The following CCDC80 variants were observed in gnomAD, a reference collection of about 807,000 sequenced individuals.
CCDC80 encodes coiled-coil domain containing 80.
A neutral mutation model predicts 78.7 loss-of-function variants in CCDC80; 49 were observed. The ratio of observed to expected loss-of-function variants is 0.62; its 90% CI spans 0.50 to 0.79. The LOEUF (loss-of-function observed/expected upper bound fraction) is 0.79, where lower values mean the gene tolerates loss of function less well. CCDC80 is among the 30% of genes least tolerant of loss of function. The probability of loss-of-function intolerance (pLI) is 0.00; values close to 1 mark genes in which losing one functional copy is unlikely to be tolerated. For missense variants in CCDC80, 1,205 were observed against 1,198.6 expected (o/e 1.01, Z -0.08); for synonymous variants, 488 against 447.0 (o/e 1.09, Z -1.16).
chr3:112,605,707 TAC>T lies in CCDC80; in HGVS notation c.2561_2562del (p.Arg854GlnfsTer40). 6.2e-7 allele frequency: 1 copy of T among 1,614,236 alleles called. No individual in the cohort carries two copies. Among genetic ancestry groups the T allele is most frequent in the Non-Finnish European group, 8.5e-7 (1 of 1,180,034 alleles). On this transcript the variant is annotated frameshift_variant, in exon 8 of 8. Transcript: ENST00000206423. LOFTEE classifies it high-confidence loss of function. ...DVPAHLVKDI[R>X]NYFQVSPEYF... ...TACTCCGGGCTCACTTGAAAATAGT[TAC>T]GAATGTCTTTCACCAAATGGGCTGG...
At chr3:112,611,601 T>A (rs1935629435) in intron 5 of CCDC80, among the ~76,000 whole-genome samples, 1 of 152,182 alleles carries the variant, frequency 6.6e-6, no homozygotes, top group Non-Finnish European at 1.5e-5. Context: ...ATACAGACAC[T>A]TCTCTGACTC....
chr3:112,610,204 A>G (rs1326369874), intron 5 of CCDC80, 123 bp from the exon 6 acceptor site: 5 of 776,904 alleles, frequency 6.4e-6, no homozygotes, highest in Non-Finnish European at 1.1e-5. Context: ...AAAAGAAAAA[A>G]ACAGAGAACT....
At position 112,639,847 on chromosome 3, in the gene CCDC80, C is replaced by T. The variant is rs753980077; in HGVS notation, c.59G>A (p.Gly20Glu). Residue 20 changes from glycine (G) to glutamate (E), a missense_variant, in exon 2 of 8, where the codon GGA becomes GAA. By Grantham distance (98) the Gly-to-Glu change is moderately conservative. Transcript: ENST00000206423. ...TMLLAMWLVC[G>E]SEPHPHATIR... ...AGTGGCATGGGGGTGGGGTTCTGATCCACACACTAGCCACATGGCCAACAG... is the reference window on the plus strand; with the variant it reads ...AGTGGCATGGGGGTGGGGTTCTGATTCACACACTAGCCACATGGCCAACAG... 20 of 1,614,200 alleles carry T rather than the reference C, an allele frequency of 1.2e-5. 1 individual carries two copies. The Admixed American group carries it at 3.3e-4, about 27-fold the overall frequency.
At position 112,634,139 on chromosome 3, in the gene CCDC80, A is replaced by ATT. The variant is rs5851855; in HGVS notation, c.1879-3872_1879-3871dup. 7.3e-5 allele frequency among the ~76,000 whole-genome samples: 11 copies of ATT among 151,484 alleles called. No homozygotes were observed. In the East Asian group the frequency reaches 9.7e-4, roughly 13 times the overall value. On this transcript the variant is annotated intron_variant, in intron 2 of 7. Coordinates refer to ENST00000206423, the MANE Select transcript of CCDC80 (RefSeq NM_199511.3). ...TACTGCGTTAGGCTCAAAATGCTAG[A>ATT]TTTTTTTTTACAGGATTCTGAAAAA...
Position 112,609,985 on chromosome 3 carries a change from G to A in CCDC80, c.2418C>T (p.Cys806=), listed in dbSNP as rs1935591149. The part of the protein sequence containing the change: ...QQLSALSGQA[C]NFGLRHITIL... The stretch of plus-strand genomic sequence containing the variant: ...AGGTGGCTTCCCACTCACCAAAATT[G>A]CACGCCTGACCACTGAGGGCAGAGA... Residue 806 remains cysteine (C), a synonymous_variant, in exon 6 of 8, where the codon TGC becomes TGT. Coordinates refer to ENST00000206423, the MANE Select transcript of CCDC80 (RefSeq NM_199511.3). The A allele has an allele frequency of 6.2e-7, 1 of 1,612,532 alleles. No individual in the cohort carries two copies.
Position 112,638,882 on chromosome 3 carries a change from G to A in CCDC80, c.1024C>T (p.Pro342Ser). Residue 342 changes from proline to serine, a missense_variant, in exon 2 of 8, where the codon CCC becomes TCC. Coordinates refer to ENST00000206423, the MANE Select transcript of CCDC80 (RefSeq NM_199511.3). ...RKLAATAPAL[P>S]QPPSTPRATT... ...GCTCTGGGGGTTGAGGGAGGTTGGG[G>A]CAAAGCTGGTGCAGTGGCGGCCAGT... is the stretch of plus-strand genomic sequence containing the variant. 6.2e-7 allele frequency: 1 copy of A among 1,613,586 alleles called. No individual in the cohort carries two copies. Among genetic ancestry groups the A allele is most frequent in the Non-Finnish European group, 8.5e-7 (1 of 1,179,982 alleles).
intron 3 of CCDC80, among the ~76,000 whole-genome samples, chr3:112,625,892 A>T (rs1288691285): frequency 3.9e-5 from 6 of 152,172 alleles, no homozygotes; most frequent in African/African-American, 7.2e-5. Context: ...AAAAACAAAA[A>T]TACCTTGATC....
chr3:112,610,012 C>A lies in CCDC80; in HGVS notation c.2391G>T (p.Gln797His), dbSNP rs1935592198. The change falls in exon 6 of 8, where the codon CAG becomes CAT. Residue 797 changes from glutamine to histidine, a missense_variant. Gln to His is a conservative substitution (Grantham distance 24). Coordinates refer to ENST00000206423, the MANE Select transcript of CCDC80 (RefSeq NM_199511.3). ...ACGCCTGACCACTGAGGGCAGAGAGCTGCTGTGAATAGGCCCAGTCTTCAT... is the reference window on the plus strand; with the variant it reads ...ACGCCTGACCACTGAGGGCAGAGAGATGCTGTGAATAGGCCCAGTCTTCAT... ...PNDEDWAYSQ[Q>H]LSALSGQACN... The A allele has an allele frequency of 1.2e-6, 2 of 1,613,856 alleles. No homozygotes were observed. Among genetic ancestry groups the A allele is most frequent in the Non-Finnish European group, 1.7e-6 (2 of 1,179,996 alleles).
chr3:112,630,142 C>T lies in CCDC80; in HGVS notation c.2006G>A (p.Ser669Asn). 6.2e-7 allele frequency: 1 copy of T among 1,613,844 alleles called. No individual in the cohort carries two copies. The highest frequency in any genetic ancestry group is 8.5e-7 in the Non-Finnish European group (1 of 1,179,816). ...VITIFGPVNN[S>N]TMKIDHFQLD... ...CTGAAAGTGGTCGATTTTCATGGTGCTGTTGTTGACAGGGCCGAAGATGGT... is the reference window on the plus strand; with the variant it reads ...CTGAAAGTGGTCGATTTTCATGGTGTTGTTGTTGACAGGGCCGAAGATGGT... Residue 669 changes from serine (S) to asparagine (N), a missense_variant, in exon 3 of 8, where the codon AGC becomes AAC. Coordinates refer to ENST00000206423, the MANE Select transcript of CCDC80 (RefSeq NM_199511.3).
rs772039423 is a variant in CCDC80 at position 112,610,011 on chromosome 3, G to A, written c.2392C>T (p.Leu798Phe). 3.7e-6 allele frequency: 6 copies of A among 1,613,902 alleles called. No individual in the cohort carries two copies. The highest frequency in any genetic ancestry group is 3.3e-5 in the South Asian group (3 of 91,080). ...NDEDWAYSQQ[L>F]SALSGQACNF... is the part of the protein sequence containing the mutation. ...CACGCCTGACCACTGAGGGCAGAGA[G>A]CTGCTGTGAATAGGCCCAGTCTTCA... Residue 798 changes from leucine (L) to phenylalanine (F), a missense_variant, in exon 6 of 8, where the codon CTC becomes TTC. Physicochemically the swap from Leu to Phe is conservative, Grantham distance 22 (BLOSUM62 0). Transcript: ENST00000206423.
intron 3 of CCDC80, among the ~76,000 whole-genome samples, chr3:112,629,099 C>T (rs3856725): frequency 0.082 from 12,418 of 151,912 alleles, 1,249 homozygotes; most frequent in African/African-American, 0.23. Flanking sequence ...ACACCAAGAT[C>T]GTATGTCAGA....
At chr3:112,617,123 C>A (rs1025303670) in intron 4 of CCDC80, among the ~76,000 whole-genome samples, 1 of 152,190 alleles carries the variant, frequency 6.6e-6, no homozygotes, top group Non-Finnish European at 1.5e-5. Flanking sequence ...GCCTTCCTCA[C>A]CATACAAGTC....
rs1488326359 is a variant in CCDC80 at position 112,601,185 on chromosome 3, C to T, written c.*4232G>A. 6.6e-6 allele frequency: 1 copy of T among 152,122 alleles called. No individual in the cohort carries two copies. The highest frequency in any genetic ancestry group is 1.5e-5 in the Non-Finnish European group (1 of 68,026). The allele number at this position is 152,122 out of a possible 1,614,324, so 9.4% of individuals were successfully genotyped here. A position where few individuals can be genotyped will look rare whatever the true frequency, so the allele number is the denominator to read the frequency against. On this transcript the variant is annotated 3_prime_UTR_variant, in exon 8 of 8. Coordinates refer to ENST00000206423, the MANE Select transcript of CCDC80 (RefSeq NM_199511.3). ...ATGAATGGCAGAATAAGTGATTTGTCAAGTTCATTGAACTATAAATTCCAT... is the reference window on the plus strand; with the variant it reads ...ATGAATGGCAGAATAAGTGATTTGTTAAGTTCATTGAACTATAAATTCCAT...
At chr3:112,627,626 T>C (rs1184128185) in intron 3 of CCDC80, among the ~76,000 whole-genome samples, 3 of 152,228 alleles carry the variant, frequency 2.0e-5, no homozygotes, top group African/African-American at 7.2e-5. Flanking sequence ...TGGAGTTTTT[T>C]GGTTCACTGA....
At chr3:112,608,724 G>A (rs1178943781) in intron 6 of CCDC80, among the ~76,000 whole-genome samples, 2 of 152,058 alleles carry the variant, frequency 1.3e-5, no homozygotes, top group East Asian at 3.8e-4. Context: ...AAGAATACTA[G>A]CACAATCAAA....
In CCDC80 at chr3:112,618,995, C is replaced by A; in HGVS notation, c.2145G>T (p.Val715=). Reference sequence around the variant, plus strand: ...TGACTCTCAGATCCACATCTGTTAGCACCATGAAGAAGTCATTGTAGGTCA... The same window carrying A: ...TGACTCTCAGATCCACATCTGTTAGAACCATGAAGAAGTCATTGTAGGTCA... The part of the protein sequence containing the change: ...YGMTYNDFFM[V]LTDVDLRVKQ... Residue 715 remains valine, a synonymous_variant, in exon 4 of 8, where the codon GTG becomes GTT. Coordinates refer to ENST00000206423, the MANE Select transcript of CCDC80 (RefSeq NM_199511.3). The A allele has an allele frequency of 1.9e-6, 3 of 1,613,916 alleles. No homozygotes were observed. The highest frequency in any genetic ancestry group is 2.5e-6 in the Non-Finnish European group (3 of 1,179,924).
At chr3:112,631,560 G>A (rs1303334663) in intron 2 of CCDC80, among the ~76,000 whole-genome samples, 2 of 152,118 alleles carry the variant, frequency 1.3e-5, no homozygotes, top group East Asian at 1.9e-4. Context: ...ACATTCAAAT[G>A]TATCAACCAA....
At chr3:112,607,458 A>G (rs1935536316) in intron 6 of CCDC80, among the ~76,000 whole-genome samples, 1 of 152,224 alleles carries the variant, frequency 6.6e-6, no homozygotes, top group South Asian at 2.1e-4. Context: ...ATGAACTGTG[A>G]TTCTCATTCT....
chr3:112,597,323 A>C lies in CCDC80; in HGVS notation c.*8094T>G, dbSNP rs1202441243. ...AAGGCAGAGCATAACGATGTCACCC[A>C]TCTTTGGCCTCTTAGCCGGAGCTGA... On this transcript the variant is annotated 3_prime_UTR_variant, in exon 8 of 8. Coordinates refer to ENST00000206423, the MANE Select transcript of CCDC80 (RefSeq NM_199511.3). 1 of 152,212 alleles carries C rather than the reference A, an allele frequency of 6.6e-6. No homozygotes were observed. Among genetic ancestry groups the C allele is most frequent in the Non-Finnish European group, 1.5e-5 (1 of 68,030 alleles). 9.4% of individuals were successfully genotyped at this position (152,212 alleles called of 1,614,324 possible).
Sources: allele counts gnomAD v4.1 joint callset (sites outside exome capture counted in the v4.1 genomes callset), GRCh38; gene constraint gnomAD v4.1.1; transcripts MANE v1.5; gene names NCBI Gene and HGNC (gene_info 2026-07-23, HGNC 2026-07-21).